The following FNBP1 variants were observed in gnomAD, a reference collection of about 807,000 sequenced individuals.
FNBP1 encodes the protein formin-binding protein 1.
Under a neutral mutation model 90.6 loss-of-function variants are expected in FNBP1, and 26 were observed. The observed-to-expected ratio is 0.29, with a 90% CI of 0.21 to 0.40. The LOEUF (loss-of-function observed/expected upper bound fraction) is 0.40, where lower values mean the gene tolerates loss of function less well. FNBP1 is among the 10% of genes least tolerant of loss of function. The probability of loss-of-function intolerance (pLI) is 1.00; values close to 1 mark genes in which losing one functional copy is unlikely to be tolerated. For synonymous variants in FNBP1, 260 were observed against 265.2 expected (o/e 0.98, Z 0.19); for missense variants, 635 against 768.0 (o/e 0.83, Z 2.05).
chr9:129,954,598 G>T (rs2046641240), intron 6 of FNBP1, among the ~76,000 whole-genome samples: 1 of 151,948 alleles, frequency 6.6e-6, no homozygotes, highest in African/African-American at 2.4e-5. Flanking sequence ...ATGAATTAAA[G>T]GAAGCAGAAC....
chr9:129,959,225 A>T (rs1256886362), intron 4 of FNBP1, among the ~76,000 whole-genome samples: 1 of 151,130 alleles, frequency 6.6e-6, no homozygotes, highest in Non-Finnish European at 1.5e-5. Context: ...TAAGCCTGGG[A>T]GGTTGAGGCC....
At chr9:129,931,465 G>A (rs1223216855) in intron 6 of FNBP1, among the ~76,000 whole-genome samples, 1 of 151,928 alleles carries the variant, frequency 6.6e-6, no homozygotes, top group East Asian at 1.9e-4. Context: ...AATTAGCCGG[G>A]TGTGGTGGTG....
rs946695162 is a variant in FNBP1, at chr9:129,896,927, G to C, written c.1688-931C>G. ...ATTACAGGCGTGAGCCACCACGCCC[G>C]GCCCAACTGCTCCTCTTTAAACACT... On this transcript the variant is annotated intron_variant, in intron 15 of 16. Coordinates refer to ENST00000446176, the MANE Select transcript of FNBP1 (RefSeq NM_015033.3). 2.0e-5 allele frequency among the ~76,000 whole-genome samples: 3 copies of C among 152,280 alleles called. No individual in the cohort carries two copies. In the East Asian group the frequency reaches 5.8e-4, roughly 29 times the overall value.
rs1207155226 is a variant in FNBP1, at chr9:130,042,865, A to G, written c.24+87T>C. 2.1e-6 allele frequency: 2 copies of G among 972,726 alleles called. No individual in the cohort carries two copies. The highest frequency in any genetic ancestry group is 2.6e-6 in the Non-Finnish European group (2 of 755,022). The allele number at this position is 972,726 out of a possible 1,614,324, so 60.3% of individuals were successfully genotyped here. ...GACCAGCGCGCCCTCGCCTCCGCCC[A>G]GCAGCGCGGCCCGCGCCCCCTCCCC... On this transcript the variant is annotated intron_variant, in intron 1 of 16. Transcript: ENST00000446176. The surrounding 1 kb of genome is among the most constrained non-coding windows in gnomAD (Gnocchi z 5.5).
At chr9:129,993,489 A>AC (rs1450232776) in intron 2 of FNBP1, among the ~76,000 whole-genome samples, 2 of 150,394 alleles carry the variant, frequency 1.3e-5, no homozygotes, top group Non-Finnish European at 3.0e-5. Context: ...TAAAAAAAAA[A>AC]AAAAAACAGA....
intron 1 of FNBP1, among the ~76,000 whole-genome samples, chr9:130,035,682 C>A (rs2059245443): frequency 6.6e-6 from 1 of 152,180 alleles, no homozygotes; most frequent in South Asian, 2.1e-4. Flanking sequence ...CACGGTGGCT[C>A]ATGCCTGTAA....
chr9:130,002,080 G>A lies in FNBP1; in HGVS notation c.25-7122C>T, dbSNP rs2054946562. ...ATGGAGACCCATGCCTGTAATCCTA[G>A]CTACTCGGGAGGCTGAGGCAGGAGA... is the stretch of plus-strand genomic sequence containing the variant. On this transcript the variant is annotated intron_variant, in intron 1 of 16. Coordinates refer to ENST00000446176, the MANE Select transcript of FNBP1 (RefSeq NM_015033.3). 5.5e-5 allele frequency among the ~76,000 whole-genome samples: 8 copies of A among 145,812 alleles called. No individual in the cohort carries two copies. The Admixed American group carries it at 5.6e-4, about 10-fold the overall frequency.
intron 10 of FNBP1, among the ~76,000 whole-genome samples, chr9:129,919,563 T>C (rs1414732366): frequency 6.6e-6 from 1 of 152,242 alleles, no homozygotes. Flanking sequence ...TGGCGGCATC[T>C]CTAAACATAT....
At chr9:130,013,888 G>C (rs2056923657) in intron 1 of FNBP1, 1 of 428,696 alleles carries the variant, frequency 2.3e-6, no homozygotes, top group African/African-American at 2.0e-5. Flanking sequence ...GTGGCAAAAG[G>C]CCTTCAACTG....
intron 1 of FNBP1, among the ~76,000 whole-genome samples, chr9:130,005,227 C>A (rs546865364): frequency 6.6e-6 from 1 of 151,614 alleles, no homozygotes; most frequent in African/African-American, 2.4e-5. Flanking sequence ...CACAGCCAGA[C>A]TCTGTCTCAA....
At chr9:130,027,913 C>A (rs909282984) in intron 1 of FNBP1, among the ~76,000 whole-genome samples, 12 of 151,946 alleles carry the variant, frequency 7.9e-5, no homozygotes, top group Admixed American at 7.9e-4. Context: ...ATTTGTGATT[C>A]TGCTTCAGAA....
chr9:130,053,878 C>T, the FNBP1 span: 3 of 1,531,118 alleles, frequency 2.0e-6, no homozygotes, highest in Admixed American at 2.0e-5. Context: ...GCGGCTGCGC[C>T]CTTTCACCCC....
At chr9:129,905,294 G>GTGTGTATATATATA (rs374989661) in intron 12 of FNBP1, among the ~76,000 whole-genome samples, 265 of 132,332 alleles carry the variant, frequency 2.0e-3, no homozygotes, top group Non-Finnish European at 2.8e-3. Flanking sequence ...GTGTGTGTGT[G>GTGTGTATATATATA]TATATATATA....
At chr9:129,910,132 C>T (rs1309387281) in intron 11 of FNBP1, 1 of 456,086 alleles carries the variant, frequency 2.2e-6, no homozygotes, top group African/African-American at 2.0e-5. Context: ...TTAGAAAGCT[C>T]TGGCTAAATT....
intron 1 of FNBP1, among the ~76,000 whole-genome samples, chr9:130,001,674 GA>G (rs2054873368): frequency 2.6e-5 from 4 of 151,988 alleles, no homozygotes; most frequent in African/African-American, 9.7e-5. Flanking sequence ...CTGAGGTCAG[GA>G]GTTCGAGACC....
At chr9:129,904,224 T>C (rs1309952409) in intron 12 of FNBP1, among the ~76,000 whole-genome samples, 2 of 152,166 alleles carry the variant, frequency 1.3e-5, no homozygotes, top group African/African-American at 4.8e-5. Context: ...ACTGAATCCA[T>C]AGTTGGTATC....
At chr9:129,992,060 T>C (rs1002702165) in intron 2 of FNBP1, among the ~76,000 whole-genome samples, 44 of 152,132 alleles carry the variant, frequency 2.9e-4, no homozygotes, top group Non-Finnish European at 3.5e-4. Flanking sequence ...CATTGCCATA[T>C]GGATTATACC....
intron 1 of FNBP1, among the ~76,000 whole-genome samples, chr9:130,016,049 A>C (rs780222259): frequency 5.3e-4 from 81 of 152,100 alleles, no homozygotes; most frequent in Non-Finnish European, 1.0e-3. Context: ...ATCTATTAGA[A>C]ATTTTGTATT....
intron 1 of FNBP1, among the ~76,000 whole-genome samples, chr9:130,029,236 G>A (rs1207245163): frequency 6.6e-6 from 1 of 151,704 alleles, no homozygotes; most frequent in East Asian, 1.9e-4. Context: ...ACTCACTGTA[G>A]CCTCAACTTC....
Sources: allele counts gnomAD v4.1 joint callset (sites outside exome capture counted in the v4.1 genomes callset), GRCh38; gene constraint gnomAD v4.1.1; non-coding constraint Gnocchi (gnomAD v3.1); transcripts MANE v1.5; gene names NCBI Gene and HGNC (gene_info 2026-07-23, HGNC 2026-07-21).